The following CALN1 variants were observed in gnomAD, a reference collection of about 807,000 sequenced individuals.
CALN1 encodes the protein calneuron 1.
Under a neutral mutation model 30.6 loss-of-function variants are expected in CALN1, and 17 were observed. That is an observed-to-expected ratio of 0.56 (90% CI 0.38 to 0.83). CALN1 has a LOEUF of 0.83. Among genes scored for constraint, CALN1 ranks in the 40% least tolerant of loss-of-function variants. CALN1 has a pLI of 0.00. For missense variants in CALN1, 291 were observed against 354.9 expected, an observed-to-expected ratio of 0.82 and a Z score of 1.45; for synonymous variants, 156 against 131.4, an observed-to-expected ratio of 1.19 and a Z score of -1.28.
intron 6 of CALN1, among the ~76,000 whole-genome samples, chr7:71,805,378 T>A (rs967217535): frequency 4.6e-5 from 7 of 152,178 alleles, no homozygotes; most frequent in African/African-American, 1.7e-4. Context: ...CCCAGCCCGT[T>A]CCTTTCCCTC....
intron 2 of CALN1, among the ~76,000 whole-genome samples, chr7:72,328,885 C>T (rs1030682525): frequency 3.3e-5 from 5 of 152,304 alleles, no homozygotes; most frequent in South Asian, 4.1e-4. Context: ...TTAGTAGAGA[C>T]GGGGTTTCGC....
chr7:72,439,334 A>G (rs1161369015), intron 1 of CALN1, among the ~76,000 whole-genome samples: 1 of 151,990 alleles, frequency 6.6e-6, no homozygotes, highest in Non-Finnish European at 1.5e-5. Context: ...GCCCAGTCAC[A>G]TATGACTTTT....
intron 2 of CALN1, among the ~76,000 whole-genome samples, chr7:72,371,587 T>A (rs968717831): frequency 6.6e-6 from 1 of 152,216 alleles, no homozygotes; most frequent in African/African-American, 2.4e-5. Flanking sequence ...TGTGGAACTG[T>A]GAGTCAGTTA....
intron 4 of CALN1, among the ~76,000 whole-genome samples, chr7:72,093,960 C>T (rs1358010498): frequency 6.6e-6 from 1 of 152,166 alleles, no homozygotes. Flanking sequence ...TACGTCCTCT[C>T]TTACAGCTCA....
intron 2 of CALN1, among the ~76,000 whole-genome samples, chr7:72,330,298 AT>A (rs1339949846): frequency 6.6e-6 from 1 of 151,942 alleles, no homozygotes; most frequent in Non-Finnish European, 1.5e-5. Context: ...ATCTCAAAAA[AT>A]AAGAATAATG....
chr7:72,205,577 T>TATACATATATATATATATATATAC (rs1791811641), intron 3 of CALN1, among the ~76,000 whole-genome samples: 1 of 127,046 alleles, frequency 7.9e-6, no homozygotes, highest in African/African-American at 3.3e-5. Flanking sequence ...TGTATATATA[T>TATACATATATATATATATATATAC]ATATATATAT....
chr7:72,286,946 G>A (rs1448669192), intron 2 of CALN1, among the ~76,000 whole-genome samples: 2 of 152,120 alleles, frequency 1.3e-5, no homozygotes, highest in South Asian at 2.1e-4. Flanking sequence ...GAGATATCAA[G>A]ACAAAAAGAA....
At chr7:72,433,916 G>A (rs1212227602) in intron 1 of CALN1, among the ~76,000 whole-genome samples, 1 of 151,900 alleles carries the variant, frequency 6.6e-6, no homozygotes, top group African/African-American at 2.4e-5. Flanking sequence ...TAATTAGCCA[G>A]GCAGGGTGGT....
intron 5 of CALN1, among the ~76,000 whole-genome samples, chr7:71,899,890 T>TA (rs1157084024): frequency 6.6e-6 from 1 of 152,224 alleles, no homozygotes; most frequent in African/African-American, 2.4e-5. Context: ...TAAATAAATG[T>TA]AAGCTCTAGA....
intron 2 of CALN1, among the ~76,000 whole-genome samples, chr7:72,346,576 C>T (rs1044817468): frequency 6.6e-6 from 1 of 152,030 alleles, no homozygotes; most frequent in African/African-American, 2.4e-5. Context: ...AGTCCAGTGG[C>T]ACGATCTCGG....
At chr7:72,127,651 A>G (rs73371756) in intron 3 of CALN1, among the ~76,000 whole-genome samples, 2 of 152,160 alleles carry the variant, frequency 1.3e-5, no homozygotes, top group Non-Finnish European at 2.9e-5. Context: ...GGACATCAGG[A>G]GGGCTCCAAG....
intron 4 of CALN1, among the ~76,000 whole-genome samples, chr7:72,024,833 T>C (rs1001491002): frequency 3.9e-5 from 6 of 152,244 alleles, no homozygotes; most frequent in Admixed American, 2.6e-4. Flanking sequence ...TGCATGTGTA[T>C]GCCTATCCCT....
chr7:72,421,348 A>G (rs1035368578), intron 1 of CALN1, among the ~76,000 whole-genome samples: 1 of 152,096 alleles, frequency 6.6e-6, no homozygotes, highest in East Asian at 1.9e-4. Flanking sequence ...TATGAGTGAA[A>G]TAACTCAGGA....
intron 5 of CALN1, among the ~76,000 whole-genome samples, chr7:71,947,743 C>G (rs910780392): frequency 6.6e-6 from 1 of 151,970 alleles, no homozygotes; most frequent in Non-Finnish European, 1.5e-5. Flanking sequence ...GAGTTCGAGA[C>G]CAGCCTGGCC....
intron 5 of CALN1, among the ~76,000 whole-genome samples, chr7:71,853,092 T>G (rs553034371): frequency 1.3e-5 from 2 of 152,194 alleles, no homozygotes; most frequent in South Asian, 2.1e-4. Flanking sequence ...TGCTTTTTTT[T>G]TTGAGACGGC....
chr7:71,889,135 A>G (rs571100064), intron 5 of CALN1, among the ~76,000 whole-genome samples: 1 of 152,302 alleles, frequency 6.6e-6, no homozygotes, highest in Admixed American at 6.5e-5. Context: ...GGCTGCTACA[A>G]CAAAATATCA....
intron 6 of CALN1, among the ~76,000 whole-genome samples, chr7:71,793,409 G>A (rs1193591187): frequency 6.6e-6 from 1 of 152,192 alleles, no homozygotes; most frequent in Non-Finnish European, 1.5e-5. Flanking sequence ...GTGCTTTGAA[G>A]AGAATCATTT....
chr7:71,796,908 G>T (rs1363742856), intron 6 of CALN1, among the ~76,000 whole-genome samples: 2 of 152,206 alleles, frequency 1.3e-5, no homozygotes, highest in Non-Finnish European at 2.9e-5. Flanking sequence ...ACTGGTGGCT[G>T]CCTCAGTGAG....
intron 5 of CALN1, among the ~76,000 whole-genome samples, chr7:71,901,397 A>T (rs1049909033): frequency 6.7e-6 from 1 of 149,732 alleles, no homozygotes; most frequent in Non-Finnish European, 1.5e-5. Context: ...CAGAATTAAT[A>T]AAAAACAATC....
Sources: allele counts gnomAD v4.1 joint callset (sites outside exome capture counted in the v4.1 genomes callset), GRCh38; gene constraint gnomAD v4.1.1; transcripts MANE v1.5; gene names NCBI Gene and HGNC (gene_info 2026-07-23, HGNC 2026-07-21).